The following PNOC variants were observed in gnomAD, a reference collection of about 807,000 sequenced individuals.
PNOC encodes the protein prepronociceptin.
PNOC carries 10 observed loss-of-function variants against 15.6 expected under a neutral mutation model. The ratio of observed to expected loss-of-function variants is 0.64; its 90% confidence interval spans 0.40 to 1.09. PNOC has a LOEUF of 1.09. Ranked by LOEUF, PNOC falls within the 50% of genes least tolerant of loss-of-function variation. PNOC has a pLI of 0.01. For missense variants in PNOC, 220 were observed against 223.9 expected (o/e 0.98, Z 0.11); for synonymous variants, 98 against 88.5 (o/e 1.11, Z -0.60).
At chr8:28,341,313 TCCAAAGGCC>T (rs1801515709) in intron 3 of PNOC, among the ~76,000 whole-genome samples, 3 of 152,218 alleles carry the variant, frequency 2.0e-5, no homozygotes, top group Non-Finnish European at 4.4e-5. Context: ...ATGACTCATC[TCCAAAGGCC>T]CCAAATTAAC....
chr8:28,342,729 C>G (rs1801544436), intron 3 of PNOC, among the ~76,000 whole-genome samples: 1 of 152,196 alleles, frequency 6.6e-6, no homozygotes, highest in South Asian at 2.1e-4. Context: ...CTACAGACCT[C>G]CCGTTTAGTC....
intron 1 of PNOC, among the ~76,000 whole-genome samples, chr8:28,318,795 G>A (rs1801101733): frequency 6.6e-6 from 1 of 152,228 alleles, no homozygotes; most frequent in South Asian, 2.1e-4. Flanking sequence ...TTTTGAGGGC[G>A]CAGTTTTGTT....
chr8:28,322,638 C>T (rs139886485), intron 1 of PNOC, among the ~76,000 whole-genome samples: 71 of 152,282 alleles, frequency 4.7e-4, no homozygotes, highest in African/African-American at 1.4e-3. Context: ...TAGCGCAAAG[C>T]CTGGCTCATA....
chr8:28,317,651 A>C (rs774859559), intron 1 of PNOC, among the ~76,000 whole-genome samples: 11 of 152,040 alleles, frequency 7.2e-5, no homozygotes, highest in Non-Finnish European at 1.5e-4. Flanking sequence ...TGGAGGAGTG[A>C]GGCCAGAGGA....
At chr8:28,337,117 T>TG (rs1456473892) in intron 2 of PNOC, among the ~76,000 whole-genome samples, 1 of 152,066 alleles carries the variant, frequency 6.6e-6, no homozygotes, top group African/African-American at 2.4e-5. Flanking sequence ...CTCTCTTCTC[T>TG]GCCAGTCGGC....
chr8:28,317,498 G>A (rs1056738866), intron 1 of PNOC, among the ~76,000 whole-genome samples, 182 bp downstream of exon 1: 1 of 152,208 alleles, frequency 6.6e-6, no homozygotes, highest in African/African-American at 2.4e-5. Flanking sequence ...CTTGGATGGT[G>A]GGGAACGGGG....
intron 2 of PNOC, among the ~76,000 whole-genome samples, chr8:28,335,225 T>C (rs951651698): frequency 1.3e-5 from 2 of 152,238 alleles, no homozygotes; most frequent in African/African-American, 4.8e-5. Context: ...ATCCTTCTTC[T>C]TGCATTAATT....
intron 1 of PNOC, among the ~76,000 whole-genome samples, chr8:28,323,156 C>G (rs1394197931): frequency 3.9e-5 from 6 of 152,130 alleles, no homozygotes; most frequent in Non-Finnish European, 8.8e-5. Context: ...ATTATATTGC[C>G]CTTGGAAGCA....
chr8:28,334,411 T>A (rs947309919), intron 2 of PNOC, among the ~76,000 whole-genome samples: 25 of 152,172 alleles, frequency 1.6e-4, no homozygotes, highest in Admixed American at 1.0e-3. Context: ...TTGCTAAAAA[T>A]ACAAATTTCT....
At chr8:28,320,776 G>T (rs372383125) in intron 1 of PNOC, among the ~76,000 whole-genome samples, 5 of 149,860 alleles carry the variant, frequency 3.3e-5, no homozygotes, top group Non-Finnish European at 7.4e-5. Flanking sequence ...GCGTGAACTC[G>T]GGAGGTGGAG....
Position 28,342,354 on chromosome 8 carries a change from CAAAAAAAAA to C in PNOC, c.*48-574_*48-566del, listed in dbSNP as rs34315819. Among the ~76,000 whole-genome samples the C allele has an allele frequency of 3.5e-5, 3 of 85,136 alleles. No individual in the cohort carries two copies. The South Asian group carries it at 1.2e-3, about 34-fold the overall frequency. 55.9% of individuals were successfully genotyped at this position (85,136 alleles called of 152,430 possible). On this transcript the variant is annotated intron_variant, in intron 3 of 3. Transcript: ENST00000301908. ...GGGCAACAAGAAAGAAACCCCATCT[CAAAAAAAAA>C]AAAAAAAAAAAAAGAACACTATTCA...
chr8:28,342,477 G>A (rs1801538871), intron 3 of PNOC, among the ~76,000 whole-genome samples: 1 of 151,932 alleles, frequency 6.6e-6, no homozygotes, highest in South Asian at 2.1e-4. Context: ...TTAGGGTTCT[G>A]CCTTCCTTTC....
intron 3 of PNOC, among the ~76,000 whole-genome samples, chr8:28,342,665 A>G (rs1801542923): frequency 1.3e-5 from 2 of 152,338 alleles, no homozygotes; most frequent in South Asian, 4.1e-4. Flanking sequence ...TCCGAATACC[A>G]GCAAGAACTG....
intron 1 of PNOC, 53 bp downstream of exon 1, chr8:28,317,369 C>A (rs1563945): frequency 0.8 from 121,958 of 152,262 alleles, 49,314 homozygotes; most frequent in South Asian, 0.86. Flanking sequence ...GGACTAACTG[C>A]GTGGAGCTCC....
intron 1 of PNOC, among the ~76,000 whole-genome samples, chr8:28,325,636 A>T: frequency 7.2e-6 from 1 of 139,766 alleles, no homozygotes; most frequent in African/African-American, 2.7e-5. Context: ...TGGGCGACAG[A>T]GTGAGACTCT....
intron 2 of PNOC, among the ~76,000 whole-genome samples, chr8:28,336,190 A>G (rs560917083): frequency 6.6e-6 from 1 of 152,338 alleles, no homozygotes; most frequent in South Asian, 2.1e-4. Context: ...ACTAACCTCT[A>G]CTGGAACCCT....
intron 2 of PNOC, 67 bp from the exon 3 acceptor site, chr8:28,338,973 C>T: frequency 7.2e-7 from 1 of 1,391,330 alleles, no homozygotes; most frequent in Non-Finnish European, 9.8e-7. Context: ...GGCCAGATCT[C>T]CTCCCTCGCC....
intron 2 of PNOC, among the ~76,000 whole-genome samples, chr8:28,337,324 G>T: frequency 6.6e-6 from 1 of 151,986 alleles, no homozygotes; most frequent in Non-Finnish European, 1.5e-5. Flanking sequence ...TTCTTTTTAG[G>T]CAAAGTCTCA....
chr8:28,331,603 T>C (rs1283015549), intron 2 of PNOC, among the ~76,000 whole-genome samples: 1 of 152,182 alleles, frequency 6.6e-6, no homozygotes, highest in Non-Finnish European at 1.5e-5. Flanking sequence ...CCAATCACTT[T>C]CCATAGTTCC....
Sources: allele counts gnomAD v4.1 joint callset (sites outside exome capture counted in the v4.1 genomes callset), GRCh38; gene constraint gnomAD v4.1.1; transcripts MANE v1.5; gene names NCBI Gene and HGNC (gene_info 2026-07-23, HGNC 2026-07-21).